The following IFT172 variants were observed in gnomAD, a reference collection of about 807,000 sequenced individuals.
IFT172 encodes intraflagellar transport protein 172 homolog.
A neutral mutation model predicts 248.9 loss-of-function variants in IFT172; 164 were observed. That is an observed-to-expected ratio of 0.66 (90% CI 0.58 to 0.75). The LOEUF is 0.75. Ranked by LOEUF, IFT172 falls within the 30% of genes least tolerant of loss-of-function variation. The probability of loss-of-function intolerance (pLI) is 0.00; values close to 1 mark genes in which losing one functional copy is unlikely to be tolerated. For missense variants in IFT172, 1,950 were observed against 2,192.4 expected (o/e 0.89, Z 2.21); for synonymous variants, 729 against 791.6 (o/e 0.92, Z 1.33).
In IFT172 at chr2:27,483,949, G is replaced by A. The variant is rs79529534; in HGVS notation, c.337-12C>T. 4.1e-3 allele frequency: 6,633 copies of A among 1,612,426 alleles called. 238 individuals are homozygous for A. The African/African-American group carries it at 0.076, about 19-fold the overall frequency. ...CAAGTGACAGCACTCTGCGTGGAAG[G>A]AAACAATGAAAAGGATAACCCCATC... On this transcript the variant is annotated splice_polypyrimidine_tract_variant and intron_variant, in intron 4 of 47. Coordinates refer to ENST00000260570, the MANE Select transcript of IFT172 (RefSeq NM_015662.3).
Position 27,465,872 on chromosome 2 carries a change from A to AT in IFT172, c.1702dup (p.Ile568AsnfsTer27). On this transcript the variant is annotated frameshift_variant, in exon 17 of 48. Coordinates refer to ENST00000260570, the MANE Select transcript of IFT172 (RefSeq NM_015662.3). LOFTEE classifies it high-confidence loss of function. ...CTTTCCCCCGCCCCGCTCCAGACCT[A>AT]TAACATCACCCTGTAAAAGTTTATC... The AT allele has an allele frequency of 6.2e-7, 1 of 1,614,032 alleles. No homozygotes were observed. The highest frequency in any genetic ancestry group is 8.5e-7 in the Non-Finnish European group (1 of 1,179,970).
chr2:27,464,237 C>A (rs1472280782), intron 18 of IFT172, among the ~76,000 whole-genome samples: 2 of 152,130 alleles, frequency 1.3e-5, no homozygotes, highest in African/African-American at 2.4e-5. Flanking sequence ...TGATTCCTAG[C>A]CAAAATGGCA....
In IFT172 at chr2:27,453,400, T is replaced by C. The variant is rs1428162033; in HGVS notation, c.3935A>G (p.Glu1312Gly). Residue 1312 changes from glutamate to glycine, a missense_variant, in exon 35 of 48, where the codon GAG becomes GGG. By Grantham distance (98) the Glu-to-Gly change is moderately conservative. Transcript: ENST00000260570. ...VRDSGNSGLA[E>G]KCWMKAAELS... ...TGTCCTCACCTTCATCCAGCACTTC[T>C]CCGCCAGGCCGCTGTTTCCAGAGTC... 6.2e-7 allele frequency: 1 copy of C among 1,614,194 alleles called. No homozygotes were observed.
Position 27,449,986 on chromosome 2 carries a change from C to T in IFT172, c.4050+12G>A. 1.2e-6 allele frequency: 2 copies of T among 1,601,814 alleles called. No individual in the cohort carries two copies. Among genetic ancestry groups the T allele is most frequent in the Non-Finnish European group, 8.6e-7 (1 of 1,169,064 alleles). ...GAAATCTATTTCTGTTCCATCTCAG[C>T]ATCCTACTTACTGCACTGTGCTTTC... On this transcript the variant is annotated intron_variant, in intron 36 of 47. Transcript: ENST00000260570.
chr2:27,479,534 T>G lies in IFT172; in HGVS notation c.980A>C (p.Glu327Ala), dbSNP rs377752993. The part of the protein sequence containing the change: ...LRRSIYKNKF[E>A]LTYVGPSQVI... The stretch of plus-strand genomic sequence containing the variant: ...CTGGCTAGGTCCCACATACGTCAAC[T>G]CAAACTTGTTCTTGTAAATACTCCT... The change falls in exon 10 of 48, where the codon GAG (glutamate) becomes GCG (alanine). Residue 327 changes from glutamate (E) to alanine (A), a missense_variant. Physicochemically the swap from Glu to Ala is moderately radical, Grantham distance 107. This residue lies in a region of IFT172 where 1,166 missense variants were observed against 1,254.1 expected (regional missense o/e 0.93). Coordinates refer to ENST00000260570, the MANE Select transcript of IFT172 (RefSeq NM_015662.3). 1 of 1,612,082 alleles carries G rather than the reference T, an allele frequency of 6.2e-7. No homozygotes were observed. The highest frequency in any genetic ancestry group is 8.5e-7 in the Non-Finnish European group (1 of 1,178,174).
At chr2:27,487,597 A>T (rs1454122941) in intron 1 of IFT172, among the ~76,000 whole-genome samples, 1 of 152,064 alleles carries the variant, frequency 6.6e-6, no homozygotes, top group Non-Finnish European at 1.5e-5. Context: ...TATTTATTTA[A>T]TTAATTTATT....
At chr2:27,448,478 A>T (rs1665371727) in intron 40 of IFT172, among the ~76,000 whole-genome samples, 1 of 152,240 alleles carries the variant, frequency 6.6e-6, no homozygotes, top group Non-Finnish European at 1.5e-5. Context: ...TGATAAAGAG[A>T]AAAGAGGAAG....
intron 42 of IFT172, 131 bp downstream of exon 42, chr2:27,447,383 AG>A: frequency 7.5e-7 from 1 of 1,342,122 alleles, no homozygotes; most frequent in Non-Finnish European, 1.0e-6. Context: ...TTTAGACAGA[AG>A]AGAAGCTGAA....
chr2:27,473,026 G>A (rs901371017), intron 14 of IFT172, among the ~76,000 whole-genome samples: 6 of 152,084 alleles, frequency 3.9e-5, no homozygotes, highest in African/African-American at 1.4e-4. Context: ...GTCCACTGGT[G>A]TCCATAATTG....
At chr2:27,485,629 CAAAGAG>C in intron 1 of IFT172, 126 bp from the exon 2 acceptor site, 2 of 1,100,316 alleles carry the variant, frequency 1.8e-6, no homozygotes, top group Non-Finnish European at 2.6e-6. Flanking sequence ...ATCCTCAAAA[CAAAGAG>C]ATGCCTGTGG....
At chr2:27,465,249 G>T in intron 18 of IFT172, 162 bp downstream of exon 18, 1 of 638,972 alleles carries the variant, frequency 1.6e-6, no homozygotes, top group Non-Finnish European at 2.8e-6. Flanking sequence ...TAGGATGGGA[G>T]AGTGTTTGGA....
chr2:27,454,187 G>A lies in IFT172; in HGVS notation c.3531-25C>T. The stretch of plus-strand genomic sequence containing the variant: ...CCTGCCTCCAGGTGGGGACAGAGGA[G>A]AGACTGAGTATAGGACTGAGGCCCC... On this transcript the variant is annotated intron_variant, in intron 32 of 47. Transcript: ENST00000260570. This position sits in a 1 kb window ranked among gnomAD's most constrained non-coding sequence, Gnocchi z 4.2. The A allele has an allele frequency of 6.2e-7, 1 of 1,608,000 alleles. No homozygotes were observed. Among genetic ancestry groups the A allele is most frequent in the Admixed American group, 1.7e-5 (1 of 59,560 alleles).
At position 27,465,796 on chromosome 2, in the gene IFT172, A is replaced by G. The variant is rs768291780; in HGVS notation, c.1779T>C (p.Asp593=). 6.2e-7 allele frequency: 1 copy of G among 1,613,970 alleles called. No individual in the cohort carries two copies. The part of the protein sequence containing the change: ...EGVTTVAYTL[D]EGLIEFGTAI... ...CTGTTCCAAACTCGATGAGGCCCTC[A>G]TCCAATGTGTAGGCAACAGTAGTCA... Residue 593 remains aspartate (D), a synonymous_variant, in exon 17 of 48, where the codon GAT becomes GAC. Transcript: ENST00000260570.
intron 3 of IFT172, among the ~76,000 whole-genome samples, chr2:27,484,515 T>C (rs1668610273): frequency 6.6e-6 from 1 of 152,040 alleles, no homozygotes; most frequent in Non-Finnish European, 1.5e-5. Flanking sequence ...TGCGTGAACC[T>C]GGGAGGAGGA....
rs541251894 is a variant in IFT172 at position 27,459,898 on chromosome 2, G to A, written c.2522-69C>T. On this transcript the variant is annotated intron_variant, in intron 23 of 47. Coordinates refer to ENST00000260570, the MANE Select transcript of IFT172 (RefSeq NM_015662.3). ...GGGCCTCAGGAAAAAGGTAGGACAG[G>A]GAGATGAAGCATGGAGAATAGGTAA... 73 of 1,588,224 alleles carry A rather than the reference G, an allele frequency of 4.6e-5. 1 individual carries two copies. The East Asian group carries it at 1.3e-3, about 29-fold the overall frequency.
chr2:27,445,729 A>C lies in IFT172; in HGVS notation c.4914+16T>G, dbSNP rs1558349601. 1 of 1,614,070 alleles carries C rather than the reference A, an allele frequency of 6.2e-7. No homozygotes were observed. The highest frequency in any genetic ancestry group is 8.5e-7 in the Non-Finnish European group (1 of 1,179,962). On this transcript the variant is annotated intron_variant, in intron 45 of 47. Coordinates refer to ENST00000260570, the MANE Select transcript of IFT172 (RefSeq NM_015662.3). The surrounding 1 kb of genome is among the most constrained non-coding windows in gnomAD (Gnocchi z 4.4). ...CACTGGTGAGGCCTTCCGGTTTTCCAACCCTGTGCCCTTACCGGTACATGC... is the reference window on the plus strand; with the variant it reads ...CACTGGTGAGGCCTTCCGGTTTTCCCACCCTGTGCCCTTACCGGTACATGC...
chr2:27,459,013 G>A lies in IFT172; in HGVS notation c.2788-145C>T, dbSNP rs1171719057. The stretch of plus-strand genomic sequence containing the variant: ...TAGAGAAGAAAAGATGAGTATGGGT[G>A]TCTCATACATTCTACCATTTAAAAA... On this transcript the variant is annotated intron_variant, in intron 25 of 47. Transcript: ENST00000260570. 3.9e-6 allele frequency: 3 copies of A among 778,030 alleles called. No homozygotes were observed. The East Asian group carries it at 8.1e-5, about 21-fold the overall frequency. The allele number at this position is 778,030 out of a possible 1,614,324, so 48.2% of individuals were successfully genotyped here.
At chr2:27,456,465 GC>G in intron 30 of IFT172, 45 bp downstream of exon 30, 1 of 1,578,766 alleles carries the variant, frequency 6.3e-7, no homozygotes, top group Non-Finnish European at 8.6e-7. Context: ...CTAGATAGTG[GC>G]TCTGGCTGGG....
chr2:27,456,402 C>G (rs562361172), intron 30 of IFT172, 109 bp downstream of exon 30: 1 of 1,409,408 alleles, frequency 7.1e-7, no homozygotes. Context: ...TCATGCCACT[C>G]TATCATGTCC....
Sources: allele counts gnomAD v4.1 joint callset (sites outside exome capture counted in the v4.1 genomes callset), GRCh38; gene constraint gnomAD v4.1.1; regional missense constraint gnomAD v4.1.1; non-coding constraint Gnocchi (gnomAD v3.1); transcripts MANE v1.5; gene names NCBI Gene and HGNC (gene_info 2026-07-23, HGNC 2026-07-21).